AKT2: variants seen among roughly 807,000 people sequenced by gnomAD.
The protein encoded by AKT2 is RAC-beta serine/threonine-protein kinase.
A neutral mutation model predicts 58.6 loss-of-function variants in AKT2; 16 were observed. The ratio of observed to expected loss-of-function variants is 0.27; its 90% CI spans 0.18 to 0.41. The LOEUF is 0.41. Ranked by LOEUF, AKT2 falls within the 10% of genes least tolerant of loss-of-function variation. The probability of loss-of-function intolerance (pLI) is 1.00; values close to 1 mark genes in which losing one functional copy is unlikely to be tolerated. For synonymous variants in AKT2, 253 were observed against 254.0 expected (o/e 1.00, Z 0.04); for missense variants, 438 against 661.0 (o/e 0.66, Z 3.70).
chr19:40,235,398 C>T lies in AKT2; in HGVS notation c.1176-48G>A, dbSNP rs779355916. On this transcript the variant is annotated intron_variant, in intron 11 of 13. Transcript: ENST00000392038. This position sits in a 1 kb window ranked among gnomAD's most constrained non-coding sequence, Gnocchi z 6.3. ...ACCTGCCTCCCGGAGCAGCTGGGTT[C>T]GGGCAGACGGGCTTTCGGAGCAGGC... 9.5e-6 allele frequency: 15 copies of T among 1,579,808 alleles called. No individual in the cohort carries two copies. Among genetic ancestry groups the T allele is most frequent in the East Asian group, 6.7e-5 (3 of 44,724 alleles).
chr19:40,233,820 A>G lies in AKT2; in HGVS notation c.*52T>C. 2 of 1,585,384 alleles carry G rather than the reference A, an allele frequency of 1.3e-6. No homozygotes were observed. Among genetic ancestry groups the G allele is most frequent in the Non-Finnish European group, 8.6e-7 (1 of 1,164,618 alleles). ...CTAAGTAAAAAGTTAGGGGGAAAAA[A>G]CCACCCAGCGGTGATGGCAGCGAGC... is the stretch of plus-strand genomic sequence containing the variant. On this transcript the variant is annotated 3_prime_UTR_variant, in exon 14 of 14. Coordinates refer to ENST00000392038, the MANE Select transcript of AKT2 (RefSeq NM_001626.6). This position sits in a 1 kb window ranked among gnomAD's most constrained non-coding sequence, Gnocchi z 4.3.
chr19:40,233,572 C>T lies in AKT2; in HGVS notation c.*300G>A, dbSNP rs758654290. The T allele has an allele frequency of 5.8e-6, 4 of 689,434 alleles. No individual in the cohort carries two copies. The highest frequency in any genetic ancestry group is 8.1e-6 in the Non-Finnish European group (3 of 368,390). The allele number at this position is 689,434 out of a possible 1,614,324, so 42.7% of individuals were successfully genotyped here. ...GGCAGGCCCCAGGCGCCATGCTTCA[C>T]CCCTCACTGGGGCTTGTGTGGATTA... On this transcript the variant is annotated 3_prime_UTR_variant, in exon 14 of 14. Transcript: ENST00000392038. This position sits in a 1 kb window ranked among gnomAD's most constrained non-coding sequence, Gnocchi z 4.3.
intron 7 of AKT2, 61 bp from the exon 8 acceptor site, chr19:40,239,034 C>T: frequency 6.4e-7 from 1 of 1,563,906 alleles, no homozygotes; most frequent in Admixed American, 1.7e-5. Flanking sequence ...TGAGCCATGC[C>T]AGGGCAGGGC....
At chr19:40,277,339 C>A (rs1377018885) in intron 1 of AKT2, among the ~76,000 whole-genome samples, 1 of 152,212 alleles carries the variant, frequency 6.6e-6, no homozygotes, top group African/African-American at 2.4e-5. Context: ...CCTGCAGACA[C>A]CTCCTCCCAC....
intron 3 of AKT2, 117 bp downstream of exon 3, chr19:40,256,809 A>T (rs747876297): frequency 6.6e-7 from 1 of 1,508,464 alleles, no homozygotes; most frequent in Non-Finnish European, 9.2e-7. Context: ...AAACAGATCC[A>T]AGGGCAAGCA....
chr19:40,268,712 G>A (rs1443661529), intron 1 of AKT2: 2 of 152,526 alleles, frequency 1.3e-5, no homozygotes, highest in Admixed American at 6.5e-5. Context: ...GGGAGGAGTT[G>A]GAAGATCCCC....
chr19:40,276,836 G>A (rs1489389472), intron 1 of AKT2, among the ~76,000 whole-genome samples: 1 of 152,082 alleles, frequency 6.6e-6, no homozygotes, highest in Non-Finnish European at 1.5e-5. Flanking sequence ...AGCAAAATAG[G>A]GAGACTCCCA....
chr19:40,231,313 G>A lies in AKT2; in HGVS notation c.*2559C>T, dbSNP rs564989959. ...TCACCATGGTGTGAGGAGCAGCAAC[G>A]TGGGTCAACTCGGGGCTGGGACGAG... On this transcript the variant is annotated 3_prime_UTR_variant, in exon 14 of 14. Coordinates refer to ENST00000392038, the MANE Select transcript of AKT2 (RefSeq NM_001626.6). The A allele has an allele frequency of 4.6e-4, 106 of 232,570 alleles. 1 individual carries two copies. Among genetic ancestry groups the A allele is most frequent in the East Asian group, 4.4e-3 (72 of 16,482 alleles). 14.4% of individuals were successfully genotyped at this position (232,570 alleles called of 1,614,324 possible).
chr19:40,256,022 C>A (rs1238167054), intron 3 of AKT2, among the ~76,000 whole-genome samples: 1 of 152,108 alleles, frequency 6.6e-6, no homozygotes, highest in Non-Finnish European at 1.5e-5. Flanking sequence ...GGCCTGCTGT[C>A]CCTGAGACAG....
chr19:40,258,566 C>T (rs994618643), intron 2 of AKT2, among the ~76,000 whole-genome samples: 2 of 150,714 alleles, frequency 1.3e-5, no homozygotes, highest in Admixed American at 1.3e-4. Flanking sequence ...CTCAGGAGGC[C>T]GAAATGGCAG....
At chr19:40,265,755 A>T (rs1976304090) in intron 1 of AKT2, among the ~76,000 whole-genome samples, 1 of 152,058 alleles carries the variant, frequency 6.6e-6, no homozygotes, top group Admixed American at 6.6e-5. Flanking sequence ...TACCTGAGGG[A>T]ATGCGCAGAG....
intron 1 of AKT2, among the ~76,000 whole-genome samples, chr19:40,273,137 G>T (rs528642267): frequency 1.3e-5 from 2 of 152,188 alleles, no homozygotes; most frequent in South Asian, 4.1e-4. Context: ...AGGTCAGGAG[G>T]TCGAGACCAG....
rs969472589 is a variant in AKT2 at position 40,232,952 on chromosome 19, AC to A, written c.*919del. 7 of 86,728 alleles carry A rather than the reference AC, an allele frequency of 8.1e-5. No individual in the cohort carries two copies. Among genetic ancestry groups the A allele is most frequent in the African/African-American group, 3.3e-4 (7 of 20,906 alleles). The allele number at this position is 86,728 out of a possible 1,614,324, so 5.4% of individuals were successfully genotyped here. A position where few individuals can be genotyped will look rare whatever the true frequency, so the allele number is the denominator to read the frequency against. Reference sequence around the variant, plus strand: ...AGATGCCCACCCCCACCCCTCCCTGACCAAGTCCATGGGGCCCAATACTGTC... The same window carrying A: ...AGATGCCCACCCCCACCCCTCCCTGACAAGTCCATGGGGCCCAATACTGTC... On this transcript the variant is annotated 3_prime_UTR_variant, in exon 14 of 14. Coordinates refer to ENST00000392038, the MANE Select transcript of AKT2 (RefSeq NM_001626.6).
At position 40,260,628 on chromosome 19, in the gene AKT2, C is replaced by CAAAAAA. The variant is rs34124347; in HGVS notation, c.47-3580_47-3575dup. Among the ~76,000 whole-genome samples the CAAAAAA allele has an allele frequency of 5.3e-3, 133 of 25,016 alleles. 2 individuals carry two copies. The highest frequency in any genetic ancestry group is 7.9e-3 in the African/African-American group (34 of 4,304). The allele number at this position is 25,016 out of a possible 152,430, so 16.4% of individuals were successfully genotyped here. A position where few individuals can be genotyped will look rare whatever the true frequency, so the allele number is the denominator to read the frequency against. ...CTGGTGACAGAGTGAGATTCCATCTCAAAAAAAAAAAAAAAAAAAAAAAAA... is the reference window on the plus strand; with the variant it reads ...CTGGTGACAGAGTGAGATTCCATCTCAAAAAAAAAAAAAAAAAAAAAAAAAAAAAAA... On this transcript the variant is annotated intron_variant, in intron 2 of 13. Transcript: ENST00000392038.
chr19:40,274,330 C>T (rs770739706), intron 1 of AKT2: 4 of 153,320 alleles, frequency 2.6e-5, no homozygotes, highest in Non-Finnish European at 5.8e-5. Context: ...AACAGAACCA[C>T]AGCATTTGTG....
In AKT2 at chr19:40,233,800, TAA is replaced by T; in HGVS notation, c.*70_*71del. 6.6e-7 allele frequency: 1 copy of T among 1,506,242 alleles called. No individual in the cohort carries two copies. The highest frequency in any genetic ancestry group is 9.1e-7 in the Non-Finnish European group (1 of 1,097,362). The allele number at this position is 1,506,242 out of a possible 1,614,324, so 93.3% of individuals were successfully genotyped here. On this transcript the variant is annotated 3_prime_UTR_variant, in exon 14 of 14. Transcript: ENST00000392038. This position sits in a 1 kb window ranked among gnomAD's most constrained non-coding sequence, Gnocchi z 4.3. ...GGGGACACAAACCAAAAAGGCTAAGTAAAAAGTTAGGGGGAAAAAACCACCCA... is the reference window on the plus strand; with the variant it reads ...GGGGACACAAACCAAAAAGGCTAAGTAAAGTTAGGGGGAAAAAACCACCCA...
rs954712117 is a variant in AKT2, at chr19:40,238,465, G to A, written c.709-374C>T. On this transcript the variant is annotated intron_variant, in intron 8 of 13. Coordinates refer to ENST00000392038, the MANE Select transcript of AKT2 (RefSeq NM_001626.6). The surrounding 1 kb of genome is among the most constrained non-coding windows in gnomAD (Gnocchi z 5.1). Reference sequence around the variant, plus strand: ...GCAGGTGTGCCAACCACTGCACAGAGAAGGCGCGAGGCAAGGAGTGGGTGA... The same window carrying A: ...GCAGGTGTGCCAACCACTGCACAGAAAAGGCGCGAGGCAAGGAGTGGGTGA... Among the ~76,000 whole-genome samples the A allele has an allele frequency of 6.6e-6, 1 of 152,230 alleles. No homozygotes were observed. The highest frequency in any genetic ancestry group is 1.5e-5 in the Non-Finnish European group (1 of 68,036).
At position 40,236,254 on chromosome 19, in the gene AKT2, C is replaced by A. The variant is rs56165898; in HGVS notation, c.960+3G>T. The A allele has an allele frequency of 2.5e-6, 4 of 1,613,686 alleles. No homozygotes were observed. Among genetic ancestry groups the A allele is most frequent in the South Asian group, 1.1e-5 (1 of 91,072 alleles). On this transcript the variant is annotated splice_donor_region_variant and intron_variant, in intron 10 of 13. Coordinates refer to ENST00000392038, the MANE Select transcript of AKT2 (RefSeq NM_001626.6). ...CGTTCCTACCCCCACCAACCCCAGA[C>A]ACCTCAGGCGCCAGGTACTCCGGGG...
At chr19:40,254,400 T>C (rs544749735) in intron 4 of AKT2, among the ~76,000 whole-genome samples, 2 of 152,094 alleles carry the variant, frequency 1.3e-5, no homozygotes, top group South Asian at 4.2e-4. Flanking sequence ...TGGTGGCACG[T>C]GCCTGTAATC....
Sources: allele counts gnomAD v4.1 joint callset (sites outside exome capture counted in the v4.1 genomes callset), GRCh38; gene constraint gnomAD v4.1.1; non-coding constraint Gnocchi (gnomAD v3.1); transcripts MANE v1.5; gene names NCBI Gene and HGNC (gene_info 2026-07-23, HGNC 2026-07-21).